Variants in CNTNAP2 observed in about 807,000 individuals in gnomAD.
CNTNAP2 encodes contactin associated protein 2.
A neutral mutation model predicts 155.2 loss-of-function variants in CNTNAP2; 98 were observed. The observed-to-expected ratio is 0.63, with a 90% CI of 0.54 to 0.75. CNTNAP2 has a LOEUF of 0.75. Ranked by LOEUF, CNTNAP2 falls within the 30% of genes least tolerant of loss-of-function variation. CNTNAP2 has a pLI of 0.00. For missense variants in CNTNAP2, 1,727 were observed against 1,688.1 expected (o/e 1.02, Z -0.40); for synonymous variants, 651 against 631.2 (o/e 1.03, Z -0.47).
chr7:147,160,066 A>G (rs1415751473), intron 8 of CNTNAP2, among the ~76,000 whole-genome samples: 6 of 152,086 alleles, frequency 3.9e-5, no homozygotes. Flanking sequence ...TAAGTTTAAT[A>G]TTATTTTTAA....
rs147248982 is a variant in CNTNAP2, at chr7:147,804,059, T to C, written c.2099-99506T>C. 4.5e-3 allele frequency among the ~76,000 whole-genome samples: 692 copies of C among 152,358 alleles called. 8 individuals are homozygous for C. Among genetic ancestry groups the C allele is most frequent in the African/African-American group, 0.016 (665 of 41,586 alleles). ...GTACTATTGCCTGAGGCAACCCTTCTGAGTTTTTCAATTTATTACCAAATT... is the reference window on the plus strand; with the variant it reads ...GTACTATTGCCTGAGGCAACCCTTCCGAGTTTTTCAATTTATTACCAAATT... On this transcript the variant is annotated intron_variant, in intron 13 of 23. Transcript: ENST00000361727.
chr7:146,267,968 A>G (rs1168969340), intron 1 of CNTNAP2, among the ~76,000 whole-genome samples: 1 of 152,230 alleles, frequency 6.6e-6, no homozygotes, highest in East Asian at 1.9e-4. Context: ...GAAAGCAACA[A>G]TCCTCGTGGA....
intron 13 of CNTNAP2, among the ~76,000 whole-genome samples, chr7:147,661,897 G>C (rs1795617438): frequency 6.6e-6 from 1 of 152,074 alleles, no homozygotes; most frequent in Non-Finnish European, 1.5e-5. Context: ...CCTGCACCAT[G>C]ACGTAGCCCT....
At chr7:148,016,058 C>T (rs1360749037) in intron 15 of CNTNAP2, among the ~76,000 whole-genome samples, 2 of 152,212 alleles carry the variant, frequency 1.3e-5, no homozygotes, top group African/African-American at 4.8e-5. Flanking sequence ...ACTGACAGGT[C>T]CTGTGGTTGA....
intron 23 of CNTNAP2, among the ~76,000 whole-genome samples, chr7:148,411,851 A>ATATG (rs1422208766): frequency 5.4e-5 from 8 of 147,804 alleles, no homozygotes; most frequent in South Asian, 2.1e-4. Flanking sequence ...CAACTGACAT[A>ATATG]TGTGTGTGTG....
chr7:148,286,675 A>G (rs141732034), intron 21 of CNTNAP2, among the ~76,000 whole-genome samples: 2 of 152,328 alleles, frequency 1.3e-5, no homozygotes, highest in East Asian at 3.9e-4. Context: ...TAATGATAAT[A>G]CAAAGGAAGT....
chr7:147,000,782 T>C (rs1651873057), intron 3 of CNTNAP2, among the ~76,000 whole-genome samples: 1 of 152,108 alleles, frequency 6.6e-6, no homozygotes, highest in East Asian at 1.9e-4. Flanking sequence ...AGTGCAGCAG[T>C]GGGTCATGTC....
intron 1 of CNTNAP2, among the ~76,000 whole-genome samples, chr7:146,530,307 G>T (rs767841091): frequency 5.9e-5 from 9 of 152,062 alleles, no homozygotes; most frequent in Non-Finnish European, 8.8e-5. Flanking sequence ...TACCATTCTG[G>T]ACATAGGACC....
At chr7:147,580,370 C>T (rs1011049227) in intron 12 of CNTNAP2, among the ~76,000 whole-genome samples, 2 of 152,148 alleles carry the variant, frequency 1.3e-5, no homozygotes, top group Non-Finnish European at 2.9e-5. Context: ...ATGGCTATTA[C>T]ACCCTCACTG....
chr7:146,503,200 A>C (rs76314277), intron 1 of CNTNAP2, among the ~76,000 whole-genome samples: 12,998 of 152,114 alleles, frequency 0.085, 1,467 homozygotes, highest in African/African-American at 0.26. Context: ...TTGATCCAAT[A>C]ACATGTAATT....
At chr7:147,634,501 C>T (rs1473809558) in intron 12 of CNTNAP2, among the ~76,000 whole-genome samples, 1 of 151,964 alleles carries the variant, frequency 6.6e-6, no homozygotes, top group African/African-American at 2.4e-5. Context: ...GTACAGTGTA[C>T]ACTGCTCAGG....
At chr7:147,776,734 ACTTATC>A in intron 13 of CNTNAP2, among the ~76,000 whole-genome samples, 1 of 152,218 alleles carries the variant, frequency 6.6e-6, no homozygotes, top group African/African-American at 2.4e-5. Flanking sequence ...GGTAGAACAT[ACTTATC>A]CTTAAATAAC....
chr7:147,444,755 A>T (rs1379366047), intron 10 of CNTNAP2, among the ~76,000 whole-genome samples: 2 of 152,186 alleles, frequency 1.3e-5, no homozygotes, highest in Non-Finnish European at 2.9e-5. Context: ...GCAGGAGGAA[A>T]GCACAGGTAT....
chr7:147,522,043 G>T (rs1799237530), intron 11 of CNTNAP2, among the ~76,000 whole-genome samples: 1 of 152,186 alleles, frequency 6.6e-6, no homozygotes, highest in East Asian at 1.9e-4. Context: ...TTCTGATGAG[G>T]GTCCCCTACT....
intron 13 of CNTNAP2, among the ~76,000 whole-genome samples, chr7:147,869,586 C>T (rs1357179872): frequency 6.6e-6 from 1 of 152,186 alleles, no homozygotes; most frequent in Non-Finnish European, 1.5e-5. Flanking sequence ...TTAATTTCAG[C>T]TCACAAGACA....
intron 11 of CNTNAP2, among the ~76,000 whole-genome samples, chr7:147,532,315 G>A (rs1799454612): frequency 6.6e-6 from 1 of 152,224 alleles, no homozygotes. Flanking sequence ...AATGCCACCA[G>A]TCTCTTTGCT....
chr7:147,144,460 C>T lies in CNTNAP2; in HGVS notation c.1348+11951C>T, dbSNP rs182031721. On this transcript the variant is annotated intron_variant, in intron 8 of 23. Transcript: ENST00000361727. ...GCTAACACATTCTCCACTTTTACCA[C>T]GTATTCTTTATAATGCAATATTCTA... Among the ~76,000 whole-genome samples the T allele has an allele frequency of 3.6e-3, 544 of 152,248 alleles. 1 individual carries two copies. Among genetic ancestry groups the T allele is most frequent in the Non-Finnish European group, 4.7e-3 (318 of 68,030 alleles).
rs183983774 is a variant in CNTNAP2, at chr7:146,721,595, T to G, written c.98-52676T>G. 7.9e-4 allele frequency among the ~76,000 whole-genome samples: 94 copies of G among 118,792 alleles called. No individual in the cohort carries two copies. In the East Asian group the frequency reaches 0.02, roughly 25 times the overall value. The allele number at this position is 118,792 out of a possible 152,430, so 77.9% of individuals were successfully genotyped here. ...ATTCTATATACATTCTATATATATA[T>G]TCTATATACATTCTATATATATATT... On this transcript the variant is annotated intron_variant, in intron 1 of 23. Transcript: ENST00000361727.
intron 13 of CNTNAP2, among the ~76,000 whole-genome samples, chr7:147,811,910 G>C (rs1303706161): frequency 6.6e-6 from 1 of 152,152 alleles, no homozygotes; most frequent in Non-Finnish European, 1.5e-5. Flanking sequence ...TTCTAATGGG[G>C]AAAGAGAGGC....
Sources: allele counts gnomAD v4.1 joint callset (sites outside exome capture counted in the v4.1 genomes callset), GRCh38; gene constraint gnomAD v4.1.1; transcripts MANE v1.5; gene names NCBI Gene and HGNC (gene_info 2026-07-23, HGNC 2026-07-21).